TIAM1: variants seen among roughly 807,000 people sequenced by gnomAD.
TIAM1 encodes the protein rho guanine nucleotide exchange factor TIAM1.
Under a neutral mutation model 163.5 loss-of-function variants are expected in TIAM1, and 65 were observed. The observed-to-expected ratio is 0.40, with a 90% CI of 0.33 to 0.49. TIAM1 has a LOEUF of 0.49. Among genes scored for constraint, TIAM1 ranks in the 20% least tolerant of loss-of-function variants. The pLI is 0.77. For synonymous variants in TIAM1, 833 were observed against 810.1 expected, an observed-to-expected ratio of 1.03 and a Z score of -0.48; for missense variants, 1,789 against 2,044.7, an observed-to-expected ratio of 0.87 and a Z score of 2.41.
At chr21:31,175,397 G>A (rs1348098230) in intron 15 of TIAM1, among the ~76,000 whole-genome samples, 5 of 152,210 alleles carry the variant, frequency 3.3e-5, no homozygotes, top group African/African-American at 1.2e-4. Flanking sequence ...CAAAGAGAGA[G>A]AGAAACAGGC....
chr21:31,370,467 T>G (rs892109196), intron 2 of TIAM1, among the ~76,000 whole-genome samples: 7 of 152,156 alleles, frequency 4.6e-5, no homozygotes, highest in African/African-American at 1.7e-4. Context: ...AGTATGGGTA[T>G]GTGGGTGTGT....
intron 15 of TIAM1, among the ~76,000 whole-genome samples, chr21:31,169,748 C>A (rs1372644500): frequency 1.3e-5 from 2 of 151,958 alleles, no homozygotes; most frequent in Non-Finnish European, 2.9e-5. Context: ...CCCCTCAACT[C>A]CCCAAAAAAG....
At chr21:31,455,135 C>T (rs992348021) in intron 2 of TIAM1, among the ~76,000 whole-genome samples, 3 of 151,874 alleles carry the variant, frequency 2.0e-5, no homozygotes, top group African/African-American at 7.3e-5. Context: ...CAAAATCAGC[C>T]AGGCATGGTG....
Position 31,253,801 on chromosome 21 carries a change from G to A in TIAM1, c.964-1612C>T, listed in dbSNP as rs186208278. On this transcript the variant is annotated intron_variant, in intron 4 of 27. Coordinates refer to ENST00000541036, the MANE Select transcript of TIAM1 (RefSeq NM_001353694.2). ...TGCTATCCTGCTTATTAACATCCACGGGTGGTCATGAAAGACCTAGAGCCA... is the reference window on the plus strand; with the variant it reads ...TGCTATCCTGCTTATTAACATCCACAGGTGGTCATGAAAGACCTAGAGCCA... Among the ~76,000 whole-genome samples, 6 of 152,226 alleles carry A rather than the reference G, an allele frequency of 3.9e-5. No homozygotes were observed. In the East Asian group the frequency reaches 9.7e-4, roughly 25 times the overall value.
At chr21:31,244,722 T>C (rs2071403471) in intron 6 of TIAM1, among the ~76,000 whole-genome samples, 1 of 151,906 alleles carries the variant, frequency 6.6e-6, no homozygotes, top group Admixed American at 6.6e-5. Flanking sequence ...CAAGGCTTCA[T>C]CTCAAAAAAA....
chr21:31,489,854 A>C (rs1472974616), intron 1 of TIAM1, among the ~76,000 whole-genome samples: 1 of 152,226 alleles, frequency 6.6e-6, no homozygotes, highest in Non-Finnish European at 1.5e-5. Flanking sequence ...CCATGCTCAA[A>C]GCACTTGAAG....
chr21:31,222,707 A>ATTTTTTT (rs527864043), intron 8 of TIAM1, among the ~76,000 whole-genome samples: 5 of 32,886 alleles, frequency 1.5e-4, no homozygotes, highest in East Asian at 1.9e-3. Flanking sequence ...ATATATATAT[A>ATTTTTTT]TTTTTTTTTT....
intron 16 of TIAM1, chr21:31,160,501 G>C: frequency 2.5e-6 from 1 of 398,644 alleles, no homozygotes; most frequent in South Asian, 1.3e-4. Flanking sequence ...TCAATCCTGG[G>C]CTTGCGCTTT....
chr21:31,558,477 G>A (rs1257005317), intron 1 of TIAM1, among the ~76,000 whole-genome samples: 1 of 152,096 alleles, frequency 6.6e-6, no homozygotes, highest in Non-Finnish European at 1.5e-5. Flanking sequence ...CTAAGTCAGG[G>A]ACCGAGACGC....
intron 3 of TIAM1, among the ~76,000 whole-genome samples, chr21:31,268,013 T>G (rs1247832494): frequency 6.6e-6 from 1 of 152,194 alleles, no homozygotes; most frequent in Non-Finnish European, 1.5e-5. Flanking sequence ...TCGACAACTG[T>G]GACTCTACTT....
rs144176137 is a variant in TIAM1, at chr21:31,153,558, G to A, written c.3172-424C>T. Among the ~76,000 whole-genome samples the A allele has an allele frequency of 6.9e-4, 105 of 152,266 alleles. 1 individual carries two copies. Among genetic ancestry groups the A allele is most frequent in the African/African-American group, 2.4e-3 (100 of 41,550 alleles). Reference sequence around the variant, plus strand: ...TACTTAAACAGATCACCCTGCTTTCGCATAGGAAATGTGACCAGGTGTCAG... The same window carrying A: ...TACTTAAACAGATCACCCTGCTTTCACATAGGAAATGTGACCAGGTGTCAG... On this transcript the variant is annotated intron_variant, in intron 17 of 27. Transcript: ENST00000541036.
At chr21:31,130,560 G>A (rs965715694) in intron 24 of TIAM1, among the ~76,000 whole-genome samples, 1 of 152,090 alleles carries the variant, frequency 6.6e-6, no homozygotes, top group Non-Finnish European at 1.5e-5. Context: ...ACAGAGAAGA[G>A]GAGAAAAAGG....
chr21:31,398,478 A>G lies in TIAM1; in HGVS notation c.-368-59056T>C, dbSNP rs769848375. On this transcript the variant is annotated intron_variant, in intron 2 of 28. Transcript: ENST00000286827. ...ACTAAAAATGAGAAATAACATAGCC[A>G]TGGGAAGTAGCCCACATCTTTTGTA... 7.6e-4 allele frequency among the ~76,000 whole-genome samples: 116 copies of G among 152,232 alleles called. 2 individuals are homozygous for G. The highest frequency in any genetic ancestry group is 4.1e-4 in the South Asian group (2 of 4,834).
chr21:31,245,686 A>G, intron 5 of TIAM1, 26 bp from the exon 6 acceptor site: 2 of 1,484,770 alleles, frequency 1.3e-6, no homozygotes, highest in Non-Finnish European at 9.0e-7. Flanking sequence ...AGGGGTGTGC[A>G]TGAGTATTCA....
At position 31,182,420 on chromosome 21, in the gene TIAM1, C is replaced by T; in HGVS notation, c.2887+1G>A. ...GCCCCCAGCACCCTGCACAGCCATACCTGGGTTGCTGGTGAGAAAGGCGAG... is the reference window on the plus strand; with the variant it reads ...GCCCCCAGCACCCTGCACAGCCATATCTGGGTTGCTGGTGAGAAAGGCGAG... On this transcript the variant is annotated splice_donor_variant, in intron 15 of 27. Coordinates refer to ENST00000541036, the MANE Select transcript of TIAM1 (RefSeq NM_001353694.2). LOFTEE classifies it high-confidence loss of function. The T allele has an allele frequency of 6.4e-7, 1 of 1,563,772 alleles. No individual in the cohort carries two copies. The highest frequency in any genetic ancestry group is 8.6e-7 in the Non-Finnish European group (1 of 1,157,342).
intron 1 of TIAM1, among the ~76,000 whole-genome samples, chr21:31,479,414 C>G (rs983981935): frequency 2.7e-5 from 4 of 149,192 alleles, no homozygotes; most frequent in African/African-American, 7.4e-5. Context: ...GAGGGGCGGG[C>G]GGATGGACGG....
At chr21:31,287,756 G>A (rs1268467639) in intron 2 of TIAM1, among the ~76,000 whole-genome samples, 1 of 152,174 alleles carries the variant, frequency 6.6e-6, no homozygotes, top group Admixed American at 6.6e-5. Flanking sequence ...AGATGGGCTG[G>A]GGCTATGGAT....
chr21:31,140,346 A>C (rs140929722), intron 22 of TIAM1, among the ~76,000 whole-genome samples: 63 of 152,294 alleles, frequency 4.1e-4, no homozygotes, highest in Admixed American at 3.5e-3. Context: ...AACTGAGTCT[A>C]ATCTCTAGTT....
intron 1 of TIAM1, among the ~76,000 whole-genome samples, chr21:31,519,666 G>T (rs947766126): frequency 6.6e-6 from 1 of 152,124 alleles, no homozygotes; most frequent in Non-Finnish European, 1.5e-5. Flanking sequence ...GTGCTTTGAC[G>T]CATGAACAGA....
Sources: allele counts gnomAD v4.1 joint callset (sites outside exome capture counted in the v4.1 genomes callset), GRCh38; gene constraint gnomAD v4.1.1; transcripts MANE v1.5; gene names NCBI Gene and HGNC (gene_info 2026-07-23, HGNC 2026-07-21).